KSR1: variants seen among roughly 807,000 people sequenced by gnomAD.
KSR1 encodes the protein kinase suppressor of ras.
Under a neutral mutation model 92.9 loss-of-function variants are expected in KSR1, and 35 were observed. The observed-to-expected ratio is 0.38, with a 90% CI of 0.29 to 0.50. KSR1 has a LOEUF of 0.50. KSR1 is among the 20% of genes least tolerant of loss of function. The pLI is 0.94. For synonymous variants in KSR1, 467 were observed against 472.6 expected, an observed-to-expected ratio of 0.99 and a Z score of 0.15; for missense variants, 972 against 1,158.5, an observed-to-expected ratio of 0.84 and a Z score of 2.34.
chr17:27,511,472 C>G (rs1176063663), intron 1 of KSR1, among the ~76,000 whole-genome samples: 1 of 152,106 alleles, frequency 6.6e-6, no homozygotes, highest in East Asian at 1.9e-4. Flanking sequence ...TTGTTGGTCA[C>G]TTGGAATCTG....
rs1350144810 is a variant in KSR1 at position 27,609,283 on chromosome 17, A to G, written c.2179A>G (p.Thr727Ala). ...VFYDNGKVVI[T>A]DFGLFGISGV... ...CTATGACAACGGCAAGGTGGTCATC[A>G]CAGACTTCGGGCTGTTTGGGATCTC... Residue 727 changes from threonine to alanine, a missense_variant, in exon 16 of 21, where the codon ACA (threonine) becomes GCA (alanine). Transcript: ENST00000644974. The G allele has an allele frequency of 1.7e-5, 28 of 1,613,876 alleles. No individual in the cohort carries two copies. Among genetic ancestry groups the G allele is most frequent in the Non-Finnish European group, 2.3e-5 (27 of 1,179,904 alleles).
At chr17:27,487,414 G>A (rs77065031) in intron 1 of KSR1, among the ~76,000 whole-genome samples, 35,491 of 151,922 alleles carry the variant, frequency 0.23, 4,479 homozygotes, top group Admixed American at 0.35. Context: ...CAGCCTGCGT[G>A]ACAGGAGCGA....
intron 11 of KSR1, among the ~76,000 whole-genome samples, chr17:27,602,394 G>T (rs1283681824): frequency 6.6e-6 from 1 of 152,210 alleles, no homozygotes; most frequent in Non-Finnish European, 1.5e-5. Flanking sequence ...TAGGATGCAC[G>T]CAGGGAATTA....
chr17:27,550,053 T>C (rs926521669), intron 1 of KSR1, among the ~76,000 whole-genome samples: 2 of 152,170 alleles, frequency 1.3e-5, no homozygotes, highest in African/African-American at 4.8e-5. Context: ...CCTTCTTTTT[T>C]ACCCGAGACA....
intron 1 of KSR1, among the ~76,000 whole-genome samples, chr17:27,509,284 G>A (rs2069507371): frequency 6.6e-6 from 1 of 151,900 alleles, no homozygotes; most frequent in South Asian, 2.1e-4. Context: ...GCTGAGTCAG[G>A]AGGATCTTTT....
chr17:27,622,028 C>T, intron 20 of KSR1: 2 of 1,192,050 alleles, frequency 1.7e-6, no homozygotes, highest in East Asian at 2.3e-5. Flanking sequence ...GAGATGCGGG[C>T]ACTAACCCAG....
chr17:27,601,877 G>A, intron 11 of KSR1: 2 of 1,602,302 alleles, frequency 1.2e-6, no homozygotes, highest in African/African-American at 1.3e-5. Flanking sequence ...TCACCCTTCT[G>A]TGCCTTACCA....
chr17:27,514,755 C>T (rs768587385), intron 1 of KSR1, among the ~76,000 whole-genome samples: 7 of 152,098 alleles, frequency 4.6e-5, no homozygotes, highest in Non-Finnish European at 7.4e-5. Flanking sequence ...GACAGTCTTA[C>T]GGCTCCACGT....
At chr17:27,599,395 TAAAA>T (rs2073462966) in intron 10 of KSR1, among the ~76,000 whole-genome samples, 1 of 152,158 alleles carries the variant, frequency 6.6e-6, no homozygotes. Flanking sequence ...CCATCTCTAC[TAAAA>T]ATACAAAATT....
At chr17:27,564,493 C>G (rs1211058137) in intron 2 of KSR1, among the ~76,000 whole-genome samples, 1 of 152,208 alleles carries the variant, frequency 6.6e-6, no homozygotes, top group Non-Finnish European at 1.5e-5. Context: ...CCAAGGAAGT[C>G]TGGATGCAGG....
chr17:27,604,545 C>A, intron 12 of KSR1, 135 bp from the exon 13 acceptor site: 1 of 793,384 alleles, frequency 1.3e-6, no homozygotes, highest in Non-Finnish European at 2.1e-6. Context: ...GCCATGCTAT[C>A]CACGCGGCCT....
Position 27,577,984 on chromosome 17 carries a change from G to A in KSR1, c.520+345G>A, listed in dbSNP as rs865817051. ...CATTCCAGCCCCCAGCCCTCTCCCCGTCTTCTCCTGTCCCCATTGCTGGCT... is the reference window on the plus strand; with the variant it reads ...CATTCCAGCCCCCAGCCCTCTCCCCATCTTCTCCTGTCCCCATTGCTGGCT... On this transcript the variant is annotated intron_variant, in intron 3 of 20. Transcript: ENST00000644974. The surrounding 1 kb of genome is among the most constrained non-coding windows in gnomAD (Gnocchi z 4.5). 57 of 405,926 alleles carry A rather than the reference G, an allele frequency of 1.4e-4. No individual in the cohort carries two copies. Among genetic ancestry groups the A allele is most frequent in the Non-Finnish European group, 2.0e-4 (43 of 214,066 alleles). The allele number at this position is 405,926 out of a possible 1,614,324, so 25.1% of individuals were successfully genotyped here.
chr17:27,586,531 C>T (rs1040449694), intron 5 of KSR1, among the ~76,000 whole-genome samples: 1 of 152,158 alleles, frequency 6.6e-6, no homozygotes, highest in Non-Finnish European at 1.5e-5. Flanking sequence ...TGAAGAGGAG[C>T]TACACTTCCC....
At chr17:27,611,869 CTT>C (rs1004968949) in intron 18 of KSR1, among the ~76,000 whole-genome samples, 2 of 149,382 alleles carry the variant, frequency 1.3e-5, no homozygotes, top group Non-Finnish European at 3.0e-5. Flanking sequence ...TCCTTTCAGT[CTT>C]TTTTTTTTCT....
At chr17:27,586,244 C>T (rs2072963290) in intron 5 of KSR1, among the ~76,000 whole-genome samples, 1 of 152,190 alleles carries the variant, frequency 6.6e-6, no homozygotes, top group Non-Finnish European at 1.5e-5. Flanking sequence ...GTTGGGAGCA[C>T]GTTCCTGCAC....
intron 1 of KSR1, among the ~76,000 whole-genome samples, chr17:27,502,570 G>A (rs971291413): frequency 6.6e-6 from 1 of 152,254 alleles, no homozygotes; most frequent in Admixed American, 6.5e-5. Flanking sequence ...GCCACGTGCA[G>A]CCTCACAAGT....
intron 2 of KSR1, 60 bp downstream of exon 2, chr17:27,550,768 C>T: frequency 2.7e-6 from 2 of 731,810 alleles, no homozygotes; most frequent in South Asian, 2.7e-5. Flanking sequence ...AGGGAACACA[C>T]ACAAACCCGA....
At chr17:27,616,174 A>C (rs1316808546) in intron 18 of KSR1, among the ~76,000 whole-genome samples, 3 of 152,094 alleles carry the variant, frequency 2.0e-5, no homozygotes, top group Non-Finnish European at 4.4e-5. Flanking sequence ...CTACCTTTGA[A>C]AGCTTCTGGT....
At chr17:27,461,731 G>A (rs2019450406) in intron 1 of KSR1, among the ~76,000 whole-genome samples, 1 of 152,360 alleles carries the variant, frequency 6.6e-6, no homozygotes. Context: ...GGTCTTATCA[G>A]ATCTGGAGGT....
Sources: gnomAD v4.1 joint callset for allele counts (sites outside exome capture counted in the v4.1 genomes callset) on GRCh38, gnomAD v4.1.1 for gene constraint, Gnocchi (gnomAD v3.1) non-coding constraint, MANE v1.5 for transcripts, NCBI Gene and HGNC (gene_info 2026-07-23, HGNC 2026-07-21) for gene names.